Variants in ARHGAP8 observed in about 807,000 individuals in gnomAD.
ARHGAP8 encodes rho GTPase-activating protein 8.
In ARHGAP8, 62 loss-of-function variants were observed where a neutral mutation model predicts 46.1. That is an observed-to-expected ratio of 1.34 (90% CI 1.10 to 1.66). The LOEUF (loss-of-function observed/expected upper bound fraction) is 1.66. Among genes scored for constraint, ARHGAP8 ranks in the 40% most tolerant of loss-of-function variants. The probability of loss-of-function intolerance (pLI) is 0.00; values close to 1 mark genes in which losing one functional copy is unlikely to be tolerated. For missense variants in ARHGAP8, 923 were observed against 568.4 expected (o/e 1.62, Z -6.34); for synonymous variants, 375 against 243.1 (o/e 1.54, Z -5.05).
intron 1 of ARHGAP8, among the ~76,000 whole-genome samples, chr22:44,763,699 T>C (rs1188417942): frequency 6.6e-6 from 1 of 150,554 alleles, no homozygotes; most frequent in East Asian, 1.9e-4. Context: ...ATTCGGGGAG[T>C]TTTGGCAGGA....
intron 1 of ARHGAP8, among the ~76,000 whole-genome samples, chr22:44,784,988 T>A (rs6007291): frequency 6.6e-6 from 1 of 152,202 alleles, no homozygotes; most frequent in South Asian, 2.1e-4. Flanking sequence ...CTGCACAGAG[T>A]GGTGCTGAGT....
intron 4 of ARHGAP8, among the ~76,000 whole-genome samples, chr22:44,814,151 G>A (rs1249634628): frequency 6.6e-6 from 1 of 152,234 alleles, no homozygotes; most frequent in Non-Finnish European, 1.5e-5. Context: ...AGACTGGGAA[G>A]GAGGGAGAGA....
chr22:44,847,527 C>G (rs1049398462), intron 8 of ARHGAP8, among the ~76,000 whole-genome samples: 1 of 152,232 alleles, frequency 6.6e-6, no homozygotes, highest in Non-Finnish European at 1.5e-5. Context: ...CTACTGGCTG[C>G]TGTGCTGGAC....
In ARHGAP8 at chr22:44,860,262, C is replaced by T. The variant is rs2349858; in HGVS notation, c.981+428C>T. On this transcript the variant is annotated intron_variant, in intron 11 of 11. Coordinates refer to ENST00000356099, the MANE Select transcript of ARHGAP8 (RefSeq NM_181335.3). ...GTACATTAAGTTCCTGTGACTGCATCGTGGGTGCCTTAAAACAGATTTACT... is the reference window on the plus strand; with the variant it reads ...GTACATTAAGTTCCTGTGACTGCATTGTGGGTGCCTTAAAACAGATTTACT... 1.3e-4 allele frequency among the ~76,000 whole-genome samples: 20 copies of T among 151,698 alleles called. No homozygotes were observed. In the East Asian group the frequency reaches 2.3e-3, roughly 18 times the overall value.
chr22:44,755,894 G>C (rs1255821671), intron 1 of ARHGAP8, among the ~76,000 whole-genome samples: 1 of 152,106 alleles, frequency 6.6e-6, no homozygotes, highest in African/African-American at 2.4e-5. Flanking sequence ...TGTCCACTCT[G>C]CTTGGTTTCC....
chr22:44,860,770 C>CA (rs1358055372), intron 11 of ARHGAP8, among the ~76,000 whole-genome samples: 1 of 152,068 alleles, frequency 6.6e-6, no homozygotes, highest in Non-Finnish European at 1.5e-5. Context: ...GGGGAAGGTT[C>CA]AACACATCCA....
At chr22:44,861,899 T>G (rs1252189781) in intron 11 of ARHGAP8, among the ~76,000 whole-genome samples, 3 of 152,124 alleles carry the variant, frequency 2.0e-5, no homozygotes, top group South Asian at 2.1e-4. Context: ...GTCCCCATCA[T>G]GCCCAGTTCG....
chr22:44,800,100 CTTTTTTTTTT>C (rs769010356), intron 2 of ARHGAP8, among the ~76,000 whole-genome samples: 1 of 92,560 alleles, frequency 1.1e-5, no homozygotes, highest in African/African-American at 5.0e-5. Context: ...TCTGTTCTGT[CTTTTTTTTTT>C]TTTTTTTTTT....
At chr22:44,831,540 T>G (rs1177070913) in intron 7 of ARHGAP8, among the ~76,000 whole-genome samples, 1 of 151,930 alleles carries the variant, frequency 6.6e-6, no homozygotes, top group Non-Finnish European at 1.5e-5. Context: ...CTACTAATAA[T>G]ACAAAAAAAT....
In ARHGAP8 at chr22:44,848,902, G is replaced by C. The variant is rs6007318; in HGVS notation, c.749-30G>C. The C allele has an allele frequency of 2.5e-3, 3,983 of 1,613,178 alleles. 68 individuals are homozygous for C. In the African/African-American group the frequency reaches 0.041, roughly 17 times the overall value. ...GCGGCAGTGCCCAGGCCGGGGTGCA[G>C]ACCTCAGCAGTGCTGTGTTGTGTGT... On this transcript the variant is annotated intron_variant, in intron 9 of 11. Transcript: ENST00000356099.
chr22:44,803,657 T>A (rs1207431864), intron 3 of ARHGAP8, among the ~76,000 whole-genome samples: 1 of 13,256 alleles, frequency 7.5e-5, no homozygotes, highest in African/African-American at 3.2e-4. Context: ...ACACACCCCC[T>A]CCCATGCACA....
rs755662101 is a variant in ARHGAP8 at position 44,849,067 on chromosome 22, AGCTGCCCTGGCGC to A, written c.877+8_877+20del. On this transcript the variant is annotated splice_region_variant and intron_variant, in intron 10 of 11. Coordinates refer to ENST00000356099, the MANE Select transcript of ARHGAP8 (RefSeq NM_181335.3). ...CAGATTCTCGGGATCACCTGTGCGTAGCTGCCCTGGCGCAGGGGTGGGGGGCTTGGTCCTCAGA... is the reference window on the plus strand; with the variant it reads ...CAGATTCTCGGGATCACCTGTGCGTAAGGGGTGGGGGGCTTGGTCCTCAGA... 1 of 1,613,622 alleles carries A rather than the reference AGCTGCCCTGGCGC, an allele frequency of 6.2e-7. No homozygotes were observed. Among genetic ancestry groups the A allele is most frequent in the East Asian group, 2.2e-5 (1 of 44,880 alleles).
intron 10 of ARHGAP8, among the ~76,000 whole-genome samples, chr22:44,851,385 C>T (rs1033517296): frequency 2.7e-5 from 4 of 148,358 alleles, no homozygotes; most frequent in Non-Finnish European, 4.4e-5. Flanking sequence ...GACACAGGAG[C>T]CTTTTAAATA....
At chr22:44,842,334 G>A (rs1931706244) in intron 7 of ARHGAP8, among the ~76,000 whole-genome samples, 1 of 152,108 alleles carries the variant, frequency 6.6e-6, no homozygotes, top group Admixed American at 6.5e-5. Flanking sequence ...TCCAGCCTGG[G>A]GGACAGAGCG....
intron 2 of ARHGAP8, among the ~76,000 whole-genome samples, chr22:44,794,060 G>C (rs1927901983): frequency 6.6e-6 from 1 of 152,210 alleles, no homozygotes; most frequent in Admixed American, 6.5e-5. Flanking sequence ...CTGGGAGTCA[G>C]CCTCGGCCAG....
At chr22:44,808,598 C>G in intron 4 of ARHGAP8, 160 bp downstream of exon 4, 1 of 1,350,248 alleles carries the variant, frequency 7.4e-7, no homozygotes. Flanking sequence ...TTCACCTCCC[C>G]TCTGGGCCAA....
intron 8 of ARHGAP8, among the ~76,000 whole-genome samples, chr22:44,845,698 T>C (rs2069937233): frequency 6.6e-6 from 1 of 152,142 alleles, no homozygotes; most frequent in Non-Finnish European, 1.5e-5. Flanking sequence ...GGAAGCCCTC[T>C]CGAAATGGGG....
chr22:44,852,885 C>G (rs1434104627), intron 10 of ARHGAP8, among the ~76,000 whole-genome samples: 1 of 152,178 alleles, frequency 6.6e-6, no homozygotes, highest in Admixed American at 6.5e-5. Flanking sequence ...TCAGTGCAAC[C>G]TCCACCTCCC....
intron 4 of ARHGAP8, among the ~76,000 whole-genome samples, chr22:44,811,547 C>A (rs542130669): frequency 2.0e-5 from 3 of 152,286 alleles, no homozygotes; most frequent in African/African-American, 7.2e-5. Context: ...GTGTGACTCT[C>A]CCACTCCCCG....
Sources: allele counts gnomAD v4.1 joint callset (sites outside exome capture counted in the v4.1 genomes callset), GRCh38; gene constraint gnomAD v4.1.1; transcripts MANE v1.5; gene names NCBI Gene and HGNC (gene_info 2026-07-23, HGNC 2026-07-21).